CPVL: variants seen among roughly 807,000 people sequenced by gnomAD.
CPVL encodes the protein carboxypeptidase vitellogenic like, also known as probable serine carboxypeptidase CPVL.
CPVL carries 51 observed loss-of-function variants against 63.7 expected under a neutral mutation model. The observed-to-expected ratio is 0.80, with a 90% CI of 0.64 to 1.01. CPVL has a LOEUF of 1.01. CPVL is among the 50% of genes least tolerant of loss of function. The pLI is 0.00. For missense variants in CPVL, 530 were observed against 573.1 expected, an observed-to-expected ratio of 0.92 and a Z score of 0.77; for synonymous variants, 195 against 206.0, an observed-to-expected ratio of 0.95 and a Z score of 0.46.
intron 3 of CPVL, among the ~76,000 whole-genome samples, chr7:29,110,131 T>C (rs536528024): frequency 7.9e-4 from 121 of 152,264 alleles, no homozygotes; most frequent in African/African-American, 2.8e-3. Context: ...AGACTCAACA[T>C]TCAGAGGGTA....
chr7:29,172,435 T>C (rs10486608), intron 5 of CPVL, among the ~76,000 whole-genome samples: 18,305 of 152,184 alleles, frequency 0.12, 1,256 homozygotes, highest in East Asian at 0.24. Context: ...CTCTGTCTCA[T>C]CTATCATCAT....
chr7:29,024,142 T>C (rs1016423899), intron 12 of CPVL, among the ~76,000 whole-genome samples: 3 of 152,036 alleles, frequency 2.0e-5, no homozygotes, highest in African/African-American at 7.2e-5. Context: ...AAGAGACTGA[T>C]ACATAAAGAA....
At chr7:29,037,779 A>G (rs921577419) in intron 11 of CPVL, among the ~76,000 whole-genome samples, 8 of 152,264 alleles carry the variant, frequency 5.3e-5, no homozygotes, top group Admixed American at 3.9e-4. Context: ...GCAGAAGCTT[A>G]TAAAAGTAGC....
At chr7:29,159,666 G>C (rs902813156) in intron 5 of CPVL, among the ~76,000 whole-genome samples, 5 of 152,076 alleles carry the variant, frequency 3.3e-5, no homozygotes, top group Non-Finnish European at 7.4e-5. Context: ...TTCTCAGTGA[G>C]ATCTACCCTG....
intron 12 of CPVL, among the ~76,000 whole-genome samples, chr7:29,029,298 C>T (rs1787792023): frequency 6.6e-6 from 1 of 152,128 alleles, no homozygotes; most frequent in Non-Finnish European, 1.5e-5. Context: ...AATTCCACTA[C>T]TTGATATTTT....
chr7:29,124,138 T>G (rs972239123), intron 1 of CPVL, among the ~76,000 whole-genome samples: 1 of 152,130 alleles, frequency 6.6e-6, no homozygotes, highest in Non-Finnish European at 1.5e-5. Flanking sequence ...AGAAGTGGGT[T>G]TTTTAAACAC....
At chr7:29,106,688 A>G in intron 3 of CPVL, among the ~76,000 whole-genome samples, 1 of 152,026 alleles carries the variant, frequency 6.6e-6, no homozygotes, top group Non-Finnish European at 1.5e-5. Context: ...AAAAAACAAA[A>G]ATTAAAAGTA....
chr7:29,172,309 C>A (rs1443175497), intron 5 of CPVL, among the ~76,000 whole-genome samples: 1 of 152,186 alleles, frequency 6.6e-6, no homozygotes, highest in African/African-American at 2.4e-5. Flanking sequence ...GTTGACTGGT[C>A]TCATCCAGTT....
chr7:29,120,853 C>T, intron 2 of CPVL, 40 bp downstream of exon 2: 1 of 1,177,134 alleles, frequency 8.5e-7, no homozygotes, highest in Non-Finnish European at 1.2e-6. Flanking sequence ...AACTGTTGAA[C>T]TCATGCCAGT....
At chr7:29,153,370 G>T (rs887668831) in intron 5 of CPVL, among the ~76,000 whole-genome samples, 2 of 152,006 alleles carry the variant, frequency 1.3e-5, no homozygotes, top group African/African-American at 4.8e-5. Flanking sequence ...TTTTTTTCTA[G>T]AAAAGTGACA....
intron 1 of CPVL, among the ~76,000 whole-genome samples, chr7:29,188,294 A>AT (rs1798969140): frequency 6.6e-6 from 1 of 152,222 alleles, no homozygotes; most frequent in Non-Finnish European, 1.5e-5. Context: ...AGAATATAAG[A>AT]TTAAATAATT....
At chr7:29,075,630 G>A (rs1784169148) in intron 7 of CPVL, among the ~76,000 whole-genome samples, 1 of 151,146 alleles carries the variant, frequency 6.6e-6, no homozygotes, top group East Asian at 1.9e-4. Context: ...CTCCAAGCTT[G>A]CTAAGCTGAT....
rs1790669716 is a variant in CPVL at position 29,055,749 on chromosome 7, A to AT, written c.1137+8311dup. On this transcript the variant is annotated intron_variant, in intron 11 of 12. Transcript: ENST00000265394. Reference sequence around the variant, plus strand: ...CTGGTTCTCAGGGCCACCCTGCCTTATTGCTCTTGCTCCACAGAATTCCCT... The same window carrying AT: ...CTGGTTCTCAGGGCCACCCTGCCTTATTTGCTCTTGCTCCACAGAATTCCCT... Among the ~76,000 whole-genome samples the AT allele has an allele frequency of 2.0e-5, 3 of 152,010 alleles. No individual in the cohort carries two copies. The South Asian group carries it at 6.2e-4, about 32-fold the overall frequency.
intron 11 of CPVL, among the ~76,000 whole-genome samples, chr7:29,046,878 A>T (rs1216830019): frequency 2.6e-5 from 4 of 152,214 alleles, no homozygotes; most frequent in Admixed American, 2.6e-4. Context: ...AAATGAGGAT[A>T]CATCTTACAA....
Position 29,112,839 on chromosome 7 carries a change from A to G in CPVL, c.170-17T>C. 10 of 1,543,308 alleles carry G rather than the reference A, an allele frequency of 6.5e-6. No homozygotes were observed. Among genetic ancestry groups the G allele is most frequent in the Non-Finnish European group, 9.0e-6 (10 of 1,115,648 alleles). On this transcript the variant is annotated splice_polypyrimidine_tract_variant and intron_variant, in intron 2 of 12. Transcript: ENST00000265394. ...ATTCTCTTCCTAGTGGGGGAAAAAAAATTTACCCAAGGATTACAGAAAACA... is the reference window on the plus strand; with the variant it reads ...ATTCTCTTCCTAGTGGGGGAAAAAAGATTTACCCAAGGATTACAGAAAACA...
At chr7:29,130,144 G>C (rs1030821117) in intron 1 of CPVL, among the ~76,000 whole-genome samples, 2 of 152,204 alleles carry the variant, frequency 1.3e-5, no homozygotes, top group African/African-American at 4.8e-5. Context: ...TACATGAATA[G>C]TGGGGCCATG....
chr7:29,184,355 A>G (rs1375063007), intron 4 of CPVL: 1 of 151,912 alleles, frequency 6.6e-6, no homozygotes, highest in African/African-American at 2.4e-5. Context: ...ATATATTTAT[A>G]TGAGAAAATA....
upstream of CPVL, chr7:29,146,624 C>T: frequency 2.6e-6 from 4 of 1,550,496 alleles, no homozygotes; most frequent in Non-Finnish European, 2.6e-6. Context: ...TCGTCGTGTC[C>T]CAACCTCCTG....
At chr7:29,147,232 A>G, upstream of CPVL, 2 of 442,372 alleles carry the variant, frequency 4.5e-6, no homozygotes, top group Non-Finnish European at 4.1e-6. Flanking sequence ...GCAAGTAGAT[A>G]ACACAAAATA....
Sources: allele counts gnomAD v4.1 joint callset (sites outside exome capture counted in the v4.1 genomes callset), GRCh38; gene constraint gnomAD v4.1.1; transcripts MANE v1.5; gene names NCBI Gene and HGNC (gene_info 2026-07-23, HGNC 2026-07-21).